Variants in SH3KBP1 observed in about 807,000 individuals in gnomAD.
SH3KBP1 encodes the protein SH3 domain-containing kinase-binding protein 1.
Under a neutral mutation model 50.1 loss-of-function variants are expected in SH3KBP1, and 8 were observed. The ratio of observed to expected loss-of-function variants is 0.16; its 90% CI spans 0.09 to 0.29. The LOEUF is 0.29. Ranked by LOEUF, SH3KBP1 falls within the 10% of genes least tolerant of loss-of-function variation. SH3KBP1 has a pLI of 1.00. For missense variants in SH3KBP1, 377 were observed against 535.2 expected (o/e 0.70, Z 2.92); for synonymous variants, 227 against 218.6 (o/e 1.04, Z -0.34).
chrX:19,836,801 T>C (rs1486146941), intron 1 of SH3KBP1, among the ~76,000 whole-genome samples: 3 of 112,001 alleles, frequency 2.7e-5, no homozygotes, highest in African/African-American at 6.5e-5. Flanking sequence ...CCAAGTGTTG[T>C]AGGAGGGACC....
In SH3KBP1 at chrX:19,550,032, G is replaced by A. The variant is rs768002569; in HGVS notation, c.1436C>T (p.Pro479Leu). 2.2e-5 allele frequency: 26 copies of A among 1,208,169 alleles called. No individual in the cohort carries two copies. In the Admixed American group the frequency reaches 2.2e-4, roughly 10 times the overall value. Reference protein sequence around the residue: ...VVSSTEKLSHPTTSRPKATGR... With the variant: ...VVSSTEKLSHLTTSRPKATGR... ...TGTAGCTTTTGGTCTGCTTGTGGTCGGATGACTGAGTTTCTCAGTAGATGA... is the reference window on the plus strand; with the variant it reads ...TGTAGCTTTTGGTCTGCTTGTGGTCAGATGACTGAGTTTCTCAGTAGATGA... The change falls in exon 14 of 18, where the codon CCG (proline) becomes CTG (leucine). Residue 479 changes from proline (P) to leucine (L), a missense_variant. Pro to Leu is a moderately conservative substitution (Grantham distance 98, BLOSUM62 -3). Around this residue, in one of 3 missense-constraint regions of SH3KBP1, gnomAD observed 10 missense variants for 36.9 expected, o/e 0.27. Transcript: ENST00000397821.
At chrX:19,727,679 A>C (rs2064256495) in intron 3 of SH3KBP1, among the ~76,000 whole-genome samples, 1 of 112,262 alleles carries the variant, frequency 8.9e-6, no homozygotes, top group African/African-American at 3.2e-5. Flanking sequence ...TGAAATATTA[A>C]ACATGCTTTA....
Position 19,781,413 on chromosome X carries a change from T to A in SH3KBP1, c.163-34972A>T, listed in dbSNP as rs758882929. Among the ~76,000 whole-genome samples, 3 of 109,868 alleles carry A rather than the reference T, an allele frequency of 2.7e-5. No homozygotes were observed. In the East Asian group the frequency reaches 8.5e-4, roughly 31 times the overall value. On this transcript the variant is annotated intron_variant, in intron 2 of 17. Coordinates refer to ENST00000397821, the MANE Select transcript of SH3KBP1 (RefSeq NM_031892.3). Reference sequence around the variant, plus strand: ...TGGGAGGATCGCTTAAGTACAAGAGTTCTAGACCAGCCTAGGCAACATAGT... The same window carrying A: ...TGGGAGGATCGCTTAAGTACAAGAGATCTAGACCAGCCTAGGCAACATAGT...
intron 11 of SH3KBP1, among the ~76,000 whole-genome samples, chrX:19,589,763 A>G (rs187066507): frequency 1.5e-4 from 16 of 109,581 alleles, no homozygotes; most frequent in African/African-American, 4.6e-4. Flanking sequence ...GACACCTTCT[A>G]CTTGCAAACA....
At chrX:19,585,187 T>C (rs985920047) in intron 12 of SH3KBP1, among the ~76,000 whole-genome samples, 8 of 111,818 alleles carry the variant, frequency 7.2e-5, no homozygotes, top group Non-Finnish European at 1.5e-4. Flanking sequence ...ATAGGTTACT[T>C]AGAATGTAAG....
chrX:19,678,951 G>A (rs1161309372), intron 6 of SH3KBP1, among the ~76,000 whole-genome samples: 2 of 111,472 alleles, frequency 1.8e-5, no homozygotes, highest in Admixed American at 1.9e-4. Flanking sequence ...TTCTTTCCCC[G>A]CTTCCTGCTG....
chrX:19,846,047 A>G (rs1474422030), intron 1 of SH3KBP1, among the ~76,000 whole-genome samples: 4 of 111,593 alleles, frequency 3.6e-5, no homozygotes, highest in Non-Finnish European at 7.5e-5. Flanking sequence ...ACTAGGCACA[A>G]CTGTTTATGA....
intron 12 of SH3KBP1, among the ~76,000 whole-genome samples, chrX:19,582,635 C>A (rs2066413114): frequency 9.0e-6 from 1 of 111,552 alleles, no homozygotes; most frequent in Admixed American, 9.6e-5. Flanking sequence ...TTGCCCTGCT[C>A]CCACTCCATC....
chrX:19,729,311 T>C (rs1164613474), intron 3 of SH3KBP1, among the ~76,000 whole-genome samples: 3 of 112,709 alleles, frequency 2.7e-5, no homozygotes, highest in African/African-American at 9.7e-5. Flanking sequence ...CCACTTCAAC[T>C]TGGGCTTTTG....
chrX:19,737,923 G>GT (rs11415907), intron 3 of SH3KBP1, among the ~76,000 whole-genome samples: 20,865 of 111,709 alleles, frequency 0.19, 1,688 homozygotes, highest in African/African-American at 0.29. Flanking sequence ...TCTAACTCAT[G>GT]TTTTTTGACA....
intron 2 of SH3KBP1, among the ~76,000 whole-genome samples, chrX:19,774,660 AAGAAAGAAAGAAAG>A (rs2065910551): frequency 3.0e-5 from 2 of 66,449 alleles, no homozygotes; most frequent in African/African-American, 1.7e-4. Context: ...AAAAAAAAGA[AAGAAAGAAAGAAAG>A]AAAGAAAGAA....
intron 5 of SH3KBP1, among the ~76,000 whole-genome samples, chrX:19,691,037 A>G (rs2063273650): frequency 8.9e-6 from 1 of 111,924 alleles, no homozygotes; most frequent in Non-Finnish European, 1.9e-5. Flanking sequence ...CACTATTAGC[A>G]CAACCACTTG....
At chrX:19,870,542 C>T (rs1462980727) in intron 1 of SH3KBP1, among the ~76,000 whole-genome samples, 1 of 111,555 alleles carries the variant, frequency 9.0e-6, no homozygotes, top group East Asian at 2.8e-4. Context: ...GACAGGGTAT[C>T]GCCATGTTGC....
chrX:19,743,941 A>G (rs1263541207), intron 3 of SH3KBP1, among the ~76,000 whole-genome samples: 1 of 112,761 alleles, frequency 8.9e-6, no homozygotes, highest in Non-Finnish European at 1.9e-5. Context: ...ACTTGTGTTC[A>G]TTCTATTAAA....
intron 2 of SH3KBP1, among the ~76,000 whole-genome samples, chrX:19,785,589 C>T (rs1324155178): frequency 9.0e-6 from 1 of 111,436 alleles, no homozygotes; most frequent in Non-Finnish European, 1.9e-5. Context: ...TAATAGTGTG[C>T]TGAGGCATTC....
chrX:19,800,855 C>T (rs758409587), intron 2 of SH3KBP1, among the ~76,000 whole-genome samples: 1 of 111,636 alleles, frequency 9.0e-6, no homozygotes, highest in Non-Finnish European at 1.9e-5. Flanking sequence ...ATAACAAGTT[C>T]AAAATCAGAG....
chrX:19,728,997 T>C (rs2064301230), intron 3 of SH3KBP1, among the ~76,000 whole-genome samples: 1 of 112,674 alleles, frequency 8.9e-6, no homozygotes, highest in South Asian at 3.6e-4. Flanking sequence ...TGAGAATTAT[T>C]CAGATGAAGA....
intron 14 of SH3KBP1, among the ~76,000 whole-genome samples, chrX:19,548,268 A>G (rs1375704393): frequency 1.8e-5 from 2 of 112,308 alleles, no homozygotes; most frequent in East Asian, 5.5e-4. Flanking sequence ...GGTAATTTAA[A>G]CCTTTCTGTA....
intron 1 of SH3KBP1, among the ~76,000 whole-genome samples, chrX:19,875,076 C>T (rs1321844560): frequency 1.8e-5 from 2 of 110,936 alleles, no homozygotes; most frequent in East Asian, 2.8e-4. Context: ...ACTCGTCAGG[C>T]GGTGGCTGTT....
Sources: allele counts gnomAD v4.1 joint callset (sites outside exome capture counted in the v4.1 genomes callset), GRCh38; gene constraint gnomAD v4.1.1; regional missense constraint gnomAD v4.1.1; transcripts MANE v1.5; gene names NCBI Gene and HGNC (gene_info 2026-07-23, HGNC 2026-07-21).